The following CCSER1 variants were observed in gnomAD, a reference collection of about 807,000 sequenced individuals.
The protein encoded by CCSER1 is serine-rich coiled-coil domain-containing protein 1.
CCSER1 carries 41 observed loss-of-function variants against 82.0 expected under a neutral mutation model. The observed-to-expected ratio is 0.50, with a 90% confidence interval of 0.39 to 0.65. CCSER1 has a LOEUF of 0.65. CCSER1 is among the 30% of genes least tolerant of loss of function. The pLI is 0.00. For missense variants in CCSER1, 1,119 were observed against 1,064.2 expected (o/e 1.05, Z -0.72); for synonymous variants, 414 against 383.9 (o/e 1.08, Z -0.92).
chr4:90,571,762 CA>C (rs1283614793), intron 5 of CCSER1, among the ~76,000 whole-genome samples: 1 of 151,984 alleles, frequency 6.6e-6, no homozygotes, highest in Admixed American at 6.6e-5. Context: ...ATAAATAACA[CA>C]AAAAATGCAG....
chr4:90,661,171 A>G (rs1560902889), intron 6 of CCSER1, among the ~76,000 whole-genome samples: 1 of 152,186 alleles, frequency 6.6e-6, no homozygotes, highest in Non-Finnish European at 1.5e-5. Flanking sequence ...CTCAAACTCC[A>G]AATTATAACT....
intron 8 of CCSER1, among the ~76,000 whole-genome samples, chr4:90,903,228 G>A (rs1476890639): frequency 6.6e-6 from 1 of 152,106 alleles, no homozygotes; most frequent in Non-Finnish European, 1.5e-5. Flanking sequence ...GGACCCAGGA[G>A]GAGGTCATCA....
chr4:90,932,982 GAGAAAGAAAGAA>G (rs765197842), intron 9 of CCSER1, among the ~76,000 whole-genome samples: 413 of 18,812 alleles, frequency 0.022, 69 homozygotes, highest in Non-Finnish European at 0.022. Context: ...AAGAAAGAAA[GAGAAAGAAAGAA>G]AGAAAGAAAG....
At chr4:90,528,718 A>G (rs1288636137) in intron 5 of CCSER1, among the ~76,000 whole-genome samples, 1 of 152,196 alleles carries the variant, frequency 6.6e-6, no homozygotes, top group Non-Finnish European at 1.5e-5. Context: ...GGAGAAAGTA[A>G]ATTTGATTAA....
chr4:91,346,066 C>T (rs1415616535), intron 10 of CCSER1, among the ~76,000 whole-genome samples: 7 of 151,144 alleles, frequency 4.6e-5, no homozygotes, highest in Admixed American at 4.6e-4. Context: ...ACTCTGTCAC[C>T]AGGCTGGAGT....
At chr4:91,229,583 C>T (rs796836516) in intron 10 of CCSER1, among the ~76,000 whole-genome samples, 26 of 152,156 alleles carry the variant, frequency 1.7e-4, no homozygotes, top group African/African-American at 5.8e-4. Context: ...TCAGAACCAA[C>T]CCAAATGCCC....
chr4:90,297,037 G>T (rs1425652086), intron 1 of CCSER1, among the ~76,000 whole-genome samples: 3 of 151,924 alleles, frequency 2.0e-5, no homozygotes, highest in East Asian at 1.9e-4. Context: ...AAGAAAGTCA[G>T]TGGTAGCTTG....
At chr4:91,066,217 T>C (rs563889089) in intron 9 of CCSER1, among the ~76,000 whole-genome samples, 31 of 152,270 alleles carry the variant, frequency 2.0e-4, no homozygotes, top group Non-Finnish European at 4.0e-4. Flanking sequence ...ATGGGTCACA[T>C]TCTATAAATA....
intron 10 of CCSER1, among the ~76,000 whole-genome samples, chr4:91,574,138 T>C (rs1057179937): frequency 6.6e-6 from 1 of 151,838 alleles, no homozygotes; most frequent in Non-Finnish European, 1.5e-5. Context: ...TTCACAGACA[T>C]TGAAAAAAAG....
intron 5 of CCSER1, among the ~76,000 whole-genome samples, chr4:90,477,456 G>A (rs1765261081): frequency 6.6e-6 from 1 of 152,132 alleles, no homozygotes; most frequent in Admixed American, 6.5e-5. Flanking sequence ...GGCACCAAGA[G>A]GAAGCACAAT....
intron 5 of CCSER1, among the ~76,000 whole-genome samples, chr4:90,475,204 C>T (rs1193682338): frequency 6.6e-6 from 1 of 152,160 alleles, no homozygotes; most frequent in Non-Finnish European, 1.5e-5. Flanking sequence ...CCTTCATTTA[C>T]CCTCCATCAC....
intron 7 of CCSER1, chr4:90,780,444 C>G (rs1753614816): frequency 6.2e-7 from 1 of 1,611,052 alleles, no homozygotes; most frequent in Non-Finnish European, 8.5e-7. Context: ...TTTTACAGAC[C>G]ACATACCCTA....
intron 10 of CCSER1, among the ~76,000 whole-genome samples, chr4:91,152,832 T>C (rs1019956573): frequency 3.9e-5 from 6 of 152,076 alleles, no homozygotes; most frequent in Admixed American, 3.3e-4. Context: ...TCTTTAAGAA[T>C]GTTGAATATT....
At chr4:90,260,302 G>C (rs1010288764) in intron 1 of CCSER1, among the ~76,000 whole-genome samples, 10 of 152,076 alleles carry the variant, frequency 6.6e-5, no homozygotes, top group African/African-American at 2.4e-4. Flanking sequence ...TGTGGTATTG[G>C]TTATAAAATC....
chr4:91,568,177 A>G (rs79484569), intron 10 of CCSER1, among the ~76,000 whole-genome samples: 1 of 152,098 alleles, frequency 6.6e-6, no homozygotes, highest in African/African-American at 2.4e-5. Flanking sequence ...ATGAGTATCA[A>G]TCTCTTCTGG....
chr4:91,182,806 T>G (rs186970140), intron 10 of CCSER1, among the ~76,000 whole-genome samples: 2 of 152,286 alleles, frequency 1.3e-5, no homozygotes, highest in Admixed American at 6.5e-5. Flanking sequence ...GTCTCCCAAA[T>G]GAGGGAACAT....
In CCSER1 at chr4:91,215,259, GTTTGTA is replaced by G. The variant is rs1389548955; in HGVS notation, c.2217+129269_2217+129274del. Among the ~76,000 whole-genome samples the G allele has an allele frequency of 1.8e-4, 27 of 152,204 alleles. No homozygotes were observed. In the East Asian group the frequency reaches 2.7e-3, roughly 15 times the overall value. On this transcript the variant is annotated intron_variant, in intron 10 of 10. Transcript: ENST00000509176. ...GAAATAATGATAGCTGATAAATAGTGTTTGTATTTTTATTTTTCCTTGAAAAAGTCC... is the reference window on the plus strand; with the variant it reads ...GAAATAATGATAGCTGATAAATAGTGTTTTTATTTTTCCTTGAAAAAGTCC...
intron 10 of CCSER1, among the ~76,000 whole-genome samples, chr4:91,310,165 A>G (rs1745368775): frequency 2.0e-5 from 3 of 151,898 alleles, no homozygotes; most frequent in Non-Finnish European, 4.4e-5. Context: ...AGACACTCTT[A>G]TGCCACATCC....
chr4:90,147,917 C>T (rs1726120379), intron 1 of CCSER1, among the ~76,000 whole-genome samples: 5 of 152,258 alleles, frequency 3.3e-5, no homozygotes, highest in Admixed American at 1.3e-4. Context: ...GTAATCCTAG[C>T]ACTTTGGGAG....
Sources: allele counts gnomAD v4.1 joint callset (sites outside exome capture counted in the v4.1 genomes callset), GRCh38; gene constraint gnomAD v4.1.1; transcripts MANE v1.5; gene names NCBI Gene and HGNC (gene_info 2026-07-23, HGNC 2026-07-21).